The following MNAT1 variants were observed in gnomAD, a reference collection of about 807,000 sequenced individuals.
MNAT1 encodes MNAT1 component of CDK activating kinase.
MNAT1 carries 43 observed loss-of-function variants against 42.0 expected under a neutral mutation model. That is an observed-to-expected ratio of 1.02 (90% CI 0.80 to 1.32). The LOEUF (loss-of-function observed/expected upper bound fraction) is 1.32. Among genes scored for constraint, MNAT1 ranks in the 40% most tolerant of loss-of-function variants. MNAT1 has a pLI of 0.00. For synonymous variants in MNAT1, 118 were observed against 120.0 expected (o/e 0.98, Z 0.11); for missense variants, 306 against 350.4 (o/e 0.87, Z 1.01).
chr14:60,840,669 A>AT (rs1001210529), intron 6 of MNAT1, among the ~76,000 whole-genome samples: 18 of 150,338 alleles, frequency 1.2e-4, no homozygotes, highest in Admixed American at 5.3e-4. Flanking sequence ...TTTTATTAAG[A>AT]TTTTTTTTTT....
At chr14:60,768,404 T>G (rs796523942) in intron 1 of MNAT1, among the ~76,000 whole-genome samples, 7 of 152,350 alleles carry the variant, frequency 4.6e-5, no homozygotes, top group African/African-American at 1.7e-4. Flanking sequence ...GGTTGACTTC[T>G]TAAAAGTTTT....
chr14:60,937,533 T>C (rs991735631), intron 7 of MNAT1, among the ~76,000 whole-genome samples: 2 of 152,194 alleles, frequency 1.3e-5, no homozygotes, highest in Admixed American at 1.3e-4. Context: ...AAAGATCAGA[T>C]GGTTGTAGAT....
At chr14:60,844,555 C>T (rs187122471) in intron 6 of MNAT1, among the ~76,000 whole-genome samples, 68 of 152,006 alleles carry the variant, frequency 4.5e-4, no homozygotes, top group African/African-American at 1.4e-3. Flanking sequence ...GGCTTGCGTG[C>T]GATGAGCTTT....
At chr14:60,812,354 G>T (rs1183462111) in intron 5 of MNAT1, among the ~76,000 whole-genome samples, 1 of 152,210 alleles carries the variant, frequency 6.6e-6, no homozygotes, top group African/African-American at 2.4e-5. Context: ...TGTGGGTTAG[G>T]AATTTAAGTG....
chr14:60,744,337 G>A (rs998434420), intron 1 of MNAT1, among the ~76,000 whole-genome samples: 2 of 152,066 alleles, frequency 1.3e-5, no homozygotes, highest in African/African-American at 4.8e-5. Context: ...TTGCCCTGTT[G>A]GCCAGGCTGG....
intron 1 of MNAT1, among the ~76,000 whole-genome samples, chr14:60,747,846 T>C (rs1305727628): frequency 2.0e-5 from 3 of 152,252 alleles, no homozygotes; most frequent in African/African-American, 7.2e-5. Flanking sequence ...TATGCAGGTG[T>C]ACAAAAGTAT....
At chr14:60,834,930 T>TTCCTTCCTTCCTTCCA (rs2033338511) in intron 6 of MNAT1, among the ~76,000 whole-genome samples, 1 of 125,148 alleles carries the variant, frequency 8.0e-6, no homozygotes, top group Non-Finnish European at 1.6e-5. Flanking sequence ...GTGCCCTTCC[T>TTCCTTCCTTCCTTCCA]TCCTTCCTTC....
intron 7 of MNAT1, among the ~76,000 whole-genome samples, chr14:60,952,206 G>A (rs181292010): frequency 1.3e-5 from 2 of 152,264 alleles, no homozygotes; most frequent in African/African-American, 4.8e-5. Flanking sequence ...CAGGGTACAT[G>A]GAGATGGTTA....
At chr14:60,933,157 T>C (rs1266894412) in intron 7 of MNAT1, among the ~76,000 whole-genome samples, 1 of 152,084 alleles carries the variant, frequency 6.6e-6, no homozygotes, top group African/African-American at 2.4e-5. Flanking sequence ...TGGTAGAATA[T>C]TGAAGTATAA....
chr14:60,845,218 A>G (rs990881386), intron 6 of MNAT1, among the ~76,000 whole-genome samples: 6 of 151,816 alleles, frequency 4.0e-5, no homozygotes, highest in East Asian at 1.9e-4. Flanking sequence ...ATGTGTTTCT[A>G]TAGGGTTCAG....
chr14:60,902,309 A>G (rs1489118814), intron 7 of MNAT1, among the ~76,000 whole-genome samples: 2 of 152,166 alleles, frequency 1.3e-5, no homozygotes, highest in Non-Finnish European at 2.9e-5. Context: ...AGACTGTCAA[A>G]TTGATGGTCC....
At chr14:60,960,921 G>GATTAGATT (rs2036576226) in intron 7 of MNAT1, among the ~76,000 whole-genome samples, 1 of 152,050 alleles carries the variant, frequency 6.6e-6, no homozygotes, top group Non-Finnish European at 1.5e-5. Flanking sequence ...AGCCAAAGTG[G>GATTAGATT]ACCATTTACA....
chr14:60,867,236 G>A (rs1045915967), intron 6 of MNAT1, among the ~76,000 whole-genome samples: 11 of 152,062 alleles, frequency 7.2e-5, no homozygotes, highest in Non-Finnish European at 1.0e-4. Context: ...AGAACTGAAC[G>A]TTGCTGAAGA....
chr14:60,957,086 G>C (rs1221689577), intron 7 of MNAT1, among the ~76,000 whole-genome samples: 1 of 152,018 alleles, frequency 6.6e-6, no homozygotes, highest in Non-Finnish European at 1.5e-5. Context: ...TTTTCTTGCT[G>C]TCTTTCTTTG....
chr14:60,939,244 C>G (rs1200730772), intron 7 of MNAT1, among the ~76,000 whole-genome samples: 2 of 152,174 alleles, frequency 1.3e-5, no homozygotes, highest in African/African-American at 4.8e-5. Flanking sequence ...CAGTTCTGCT[C>G]TGACTTAGTT....
rs1248066726 is a variant in MNAT1 at position 60,818,650 on chromosome 14, TTAAAA to T, written c.562-66_562-62del. ...GAAATGCTTATGGAAAAGACATAAT[TTAAAA>T]TAAAAGTCTTGTTGTTTTTAGTTTT... On this transcript the variant is annotated intron_variant, in intron 5 of 7. Transcript: ENST00000261245. 6 of 1,338,054 alleles carry T rather than the reference TTAAAA, an allele frequency of 4.5e-6. No homozygotes were observed. In the East Asian group the frequency reaches 1.2e-4, roughly 26 times the overall value. The allele number at this position is 1,338,054 out of a possible 1,614,324, so 82.9% of individuals were successfully genotyped here. A position where few individuals can be genotyped will look rare whatever the true frequency, so the allele number is the denominator to read the frequency against.
intron 7 of MNAT1, among the ~76,000 whole-genome samples, chr14:60,921,970 C>A (rs1159146995): frequency 1.3e-5 from 2 of 152,060 alleles, no homozygotes; most frequent in African/African-American, 4.8e-5. Flanking sequence ...TTAATACTTT[C>A]ATAGTAAATT....
At chr14:60,830,279 A>T (rs1348230141) in intron 6 of MNAT1, among the ~76,000 whole-genome samples, 2 of 152,200 alleles carry the variant, frequency 1.3e-5, no homozygotes, top group East Asian at 3.8e-4. Flanking sequence ...TTTTCTTCTG[A>T]TGAACTTGCA....
intron 1 of MNAT1, among the ~76,000 whole-genome samples, chr14:60,746,895 TTC>T (rs1304244069): frequency 2.0e-5 from 1 of 49,000 alleles, no homozygotes; most frequent in African/African-American, 1.1e-4. Context: ...AAAGATTCAT[TTC>T]ATATATATAT....
Sources: gnomAD v4.1 joint callset for allele counts (sites outside exome capture counted in the v4.1 genomes callset) on GRCh38, gnomAD v4.1.1 for gene constraint, MANE v1.5 for transcripts, NCBI Gene and HGNC (gene_info 2026-07-23, HGNC 2026-07-21) for gene names.